BACE2: variants seen among roughly 807,000 people sequenced by gnomAD.
BACE2 encodes the protein beta-secretase 2, also known as 56 kDa aspartic-like protease.
BACE2 carries 17 observed loss-of-function variants against 46.2 expected under a neutral mutation model. The ratio of observed to expected loss-of-function variants is 0.37; its 90% CI spans 0.25 to 0.55. BACE2 has a LOEUF of 0.55. Ranked by LOEUF, BACE2 falls within the 20% of genes least tolerant of loss-of-function variation. The pLI, the probability that BACE2 is intolerant of heterozygous loss-of-function variation, is 0.82. For synonymous variants in BACE2, 277 were observed against 295.9 expected, an observed-to-expected ratio of 0.94 and a Z score of 0.66; for missense variants, 595 against 698.1, an observed-to-expected ratio of 0.85 and a Z score of 1.66.
intron 1 of BACE2, among the ~76,000 whole-genome samples, chr21:41,217,008 T>A (rs1246624917): frequency 6.6e-6 from 1 of 152,246 alleles, no homozygotes; most frequent in Non-Finnish European, 1.5e-5. Flanking sequence ...CTTGGCTTAC[T>A]GCAACTTCTG....
At chr21:41,186,082 G>A (rs2123505716) in intron 1 of BACE2, 1 of 152,416 alleles carries the variant, frequency 6.6e-6, no homozygotes, top group Admixed American at 6.5e-5. Context: ...AAACCGTGGG[G>A]AACTGACCGC....
At chr21:41,171,175 T>G (rs1311278393) in intron 1 of BACE2, among the ~76,000 whole-genome samples, 2 of 152,232 alleles carry the variant, frequency 1.3e-5, no homozygotes, top group Non-Finnish European at 2.9e-5. Context: ...GGACTTATTG[T>G]ATGACTGCAA....
chr21:41,253,983 G>T (rs376716078), intron 7 of BACE2, among the ~76,000 whole-genome samples: 1 of 152,072 alleles, frequency 6.6e-6, no homozygotes, highest in East Asian at 1.9e-4. Flanking sequence ...GACCCCACAC[G>T]CTCCATGTTT....
chr21:41,169,761 A>G (rs1047136893), intron 1 of BACE2, among the ~76,000 whole-genome samples: 2 of 152,212 alleles, frequency 1.3e-5, no homozygotes, highest in African/African-American at 4.8e-5. Context: ...GGGGGAAAAA[A>G]AAACCTTCAA....
chr21:41,181,568 G>A (rs1272529788), intron 1 of BACE2: 1 of 167,100 alleles, frequency 6.0e-6, no homozygotes, highest in Non-Finnish European at 1.5e-5. Context: ...TCGCAGGGAA[G>A]CTTCCACTTT....
At chr21:41,256,785 G>A (rs573518925) in intron 7 of BACE2, among the ~76,000 whole-genome samples, 19 of 152,224 alleles carry the variant, frequency 1.2e-4, no homozygotes, top group African/African-American at 4.1e-4. Context: ...CATGTTCTCC[G>A]GACCTCCTGA....
intron 1 of BACE2, chr21:41,183,171 A>T (rs1985208778): frequency 6.0e-6 from 1 of 166,074 alleles, no homozygotes; most frequent in Non-Finnish European, 1.5e-5. Context: ...AACTTTATCT[A>T]GATCACCGAG....
intron 6 of BACE2, among the ~76,000 whole-genome samples, chr21:41,247,250 C>A (rs780048816): frequency 2.6e-5 from 4 of 152,062 alleles, no homozygotes; most frequent in Non-Finnish European, 4.4e-5. Context: ...GCGGGAAGAG[C>A]GGCACGTGGA....
At chr21:41,242,297 G>A (rs1313755423) in intron 4 of BACE2, among the ~76,000 whole-genome samples, 1 of 151,928 alleles carries the variant, frequency 6.6e-6, no homozygotes, top group African/African-American at 2.4e-5. Flanking sequence ...CCAAAGGAGA[G>A]TTCATAAATT....
At chr21:41,232,422 AAAAC>A (rs968575005) in intron 2 of BACE2, among the ~76,000 whole-genome samples, 20 of 152,294 alleles carry the variant, frequency 1.3e-4, no homozygotes, top group African/African-American at 3.1e-4. Flanking sequence ...CATTTTCCAG[AAAAC>A]AAACAAACAA....
At chr21:41,221,632 T>C (rs1237215941) in intron 1 of BACE2, among the ~76,000 whole-genome samples, 4 of 152,066 alleles carry the variant, frequency 2.6e-5, no homozygotes, top group African/African-American at 7.2e-5. Context: ...GAGACCATCC[T>C]GGCTAACACG....
intron 1 of BACE2, among the ~76,000 whole-genome samples, chr21:41,189,237 C>T (rs898133181): frequency 6.6e-6 from 1 of 151,590 alleles, no homozygotes; most frequent in East Asian, 1.9e-4. Context: ...TCTTTTCAGT[C>T]TAGAAACTCA....
chr21:41,237,241 A>G (rs1315147384), intron 2 of BACE2, among the ~76,000 whole-genome samples: 1 of 152,076 alleles, frequency 6.6e-6, no homozygotes, highest in Non-Finnish European at 1.5e-5. Context: ...AGGTCAAGAG[A>G]TCGAGACCAT....
At chr21:41,258,195 A>G (rs1345614924) in intron 8 of BACE2, among the ~76,000 whole-genome samples, 1 of 152,252 alleles carries the variant, frequency 6.6e-6, no homozygotes, top group Admixed American at 6.5e-5. Flanking sequence ...ATGGAATTCC[A>G]AAGTTGTGCT....
intron 2 of BACE2, among the ~76,000 whole-genome samples, chr21:41,227,215 C>T (rs1475530018): frequency 6.6e-6 from 1 of 152,186 alleles, no homozygotes; most frequent in East Asian, 1.9e-4. Flanking sequence ...ATTCAACGGA[C>T]AGAACAGGTA....
chr21:41,181,741 G>T (rs1985134319), intron 1 of BACE2: 2 of 167,082 alleles, frequency 1.2e-5, no homozygotes, highest in Non-Finnish European at 1.5e-5. Flanking sequence ...CACAATAGGG[G>T]TTTGGGTATT....
At chr21:41,207,417 T>C (rs930112467) in intron 1 of BACE2, among the ~76,000 whole-genome samples, 4 of 152,208 alleles carry the variant, frequency 2.6e-5, no homozygotes, top group African/African-American at 9.6e-5. Context: ...AAAAGGATCA[T>C]TGTTTTCACT....
intron 3 of BACE2, among the ~76,000 whole-genome samples, chr21:41,238,735 T>C (rs1396372330): frequency 7.3e-6 from 1 of 137,572 alleles, no homozygotes; most frequent in Non-Finnish European, 1.5e-5. Flanking sequence ...TTCTCACTCA[T>C]AGGTGGGAAT....
intron 1 of BACE2, among the ~76,000 whole-genome samples, chr21:41,171,576 T>C (rs761886811): frequency 1.2e-4 from 18 of 152,258 alleles, no homozygotes; most frequent in Non-Finnish European, 1.2e-4. Flanking sequence ...TGTAGAACTT[T>C]TGAACAGTTC....
Sources: gnomAD v4.1 joint callset for allele counts (sites outside exome capture counted in the v4.1 genomes callset) on GRCh38, gnomAD v4.1.1 for gene constraint, MANE v1.5 for transcripts, NCBI Gene and HGNC (gene_info 2026-07-23, HGNC 2026-07-21) for gene names.